PTPRN2: variants seen among roughly 807,000 people sequenced by gnomAD.
PTPRN2 encodes receptor-type tyrosine-protein phosphatase N2.
Under a neutral mutation model 118.8 loss-of-function variants are expected in PTPRN2, and 74 were observed. That is an observed-to-expected ratio of 0.62 (90% CI 0.52 to 0.76). The LOEUF is 0.76. PTPRN2 is among the 30% of genes least tolerant of loss of function. PTPRN2 has a pLI of 0.00. For missense variants in PTPRN2, 1,481 were observed against 1,394.4 expected (o/e 1.06, Z -0.99); for synonymous variants, 641 against 608.0 (o/e 1.05, Z -0.80).
At chr7:157,816,781 G>C (rs1806430429) in intron 12 of PTPRN2, among the ~76,000 whole-genome samples, 1 of 152,196 alleles carries the variant, frequency 6.6e-6, no homozygotes, top group Non-Finnish European at 1.5e-5. Flanking sequence ...GGCGTTGAGT[G>C]CTTTGCTGGG....
intron 1 of PTPRN2, among the ~76,000 whole-genome samples, chr7:158,514,005 G>A (rs1204644098): frequency 6.6e-6 from 1 of 152,122 alleles, no homozygotes; most frequent in Admixed American, 6.5e-5. Flanking sequence ...CTTTATCAAC[G>A]CACGATGACT....
chr7:158,032,174 T>C (rs1479826357), intron 11 of PTPRN2, among the ~76,000 whole-genome samples: 1 of 152,200 alleles, frequency 6.6e-6, no homozygotes, highest in Non-Finnish European at 1.5e-5. Context: ...CCAAATGGCA[T>C]TGCACTCACA....
At chr7:158,318,388 G>A (rs997385320) in intron 2 of PTPRN2, among the ~76,000 whole-genome samples, 19 of 152,326 alleles carry the variant, frequency 1.2e-4, no homozygotes, top group East Asian at 7.7e-4. Context: ...GCAGGAACTG[G>A]GCAGCACGTC....
chr7:157,952,797 A>T (rs1372298604), intron 11 of PTPRN2, among the ~76,000 whole-genome samples: 2 of 152,076 alleles, frequency 1.3e-5, no homozygotes, highest in Non-Finnish European at 2.9e-5. Flanking sequence ...TGATGCTCAA[A>T]CCCAGACCAC....
At chr7:158,341,181 C>T (rs1806687960) in intron 2 of PTPRN2, among the ~76,000 whole-genome samples, 1 of 150,534 alleles carries the variant, frequency 6.6e-6, no homozygotes, top group African/African-American at 2.4e-5. Flanking sequence ...CTCACACCCA[C>T]ACTCTCACCA....
intron 11 of PTPRN2, 41 bp downstream of exon 11, chr7:158,081,239 TGCGTGTGTGTGTGCACAC>T (rs1414229559): frequency 2.7e-5 from 39 of 1,457,518 alleles, no homozygotes; most frequent in East Asian, 4.5e-5. Context: ...CGTGTTTGCG[TGCGTGTGTGTGTGCACAC>T]ACGTGTGTGT....
chr7:157,559,663 C>A (rs1799080639), intron 21 of PTPRN2, among the ~76,000 whole-genome samples: 1 of 152,180 alleles, frequency 6.6e-6, no homozygotes, highest in Non-Finnish European at 1.5e-5. Context: ...CAGGCCGGGC[C>A]AGCCTGGACC....
At chr7:157,879,803 A>G (rs1286593130) in intron 12 of PTPRN2, among the ~76,000 whole-genome samples, 3 of 150,422 alleles carry the variant, frequency 2.0e-5, no homozygotes, top group South Asian at 4.2e-4. Context: ...ACTAATTTCC[A>G]TATCAAACCC....
intron 12 of PTPRN2, among the ~76,000 whole-genome samples, chr7:157,775,082 T>C (rs1174817638): frequency 6.6e-6 from 1 of 151,496 alleles, no homozygotes; most frequent in East Asian, 1.9e-4. Context: ...TGCCAGGGAG[T>C]CCCTCAGTCC....
rs540572966 is a variant in PTPRN2 at position 157,893,685 on chromosome 7, G to A, written c.1788+4988C>T. ...CAGATCTCCCAGGAGAGAAAAGGAG[G>A]ACACCTGTGGCCATACACACCTGTT... On this transcript the variant is annotated intron_variant, in intron 12 of 22. Coordinates refer to ENST00000389418, the MANE Select transcript of PTPRN2 (RefSeq NM_002847.5). This position sits in a 1 kb window ranked among gnomAD's most constrained non-coding sequence, Gnocchi z 4.0. Among the ~76,000 whole-genome samples, 7 of 152,280 alleles carry A rather than the reference G, an allele frequency of 4.6e-5. No homozygotes were observed. In the South Asian group the frequency reaches 1.5e-3, roughly 32 times the overall value.
intron 1 of PTPRN2, among the ~76,000 whole-genome samples, chr7:158,498,840 T>C (rs766421050): frequency 6.6e-6 from 1 of 152,202 alleles, no homozygotes; most frequent in South Asian, 2.1e-4. Flanking sequence ...TAAAATATAG[T>C]ATGACCCATG....
intron 12 of PTPRN2, among the ~76,000 whole-genome samples, chr7:157,707,838 C>G (rs1242614299): frequency 6.6e-6 from 1 of 152,236 alleles, no homozygotes; most frequent in Admixed American, 6.5e-5. Context: ...GATCCACTCG[C>G]CTTGGCCCCC....
intron 2 of PTPRN2, among the ~76,000 whole-genome samples, chr7:158,373,688 G>A (rs1008475775): frequency 6.6e-6 from 1 of 152,216 alleles, no homozygotes; most frequent in African/African-American, 2.4e-5. Flanking sequence ...ACACTGCAGT[G>A]CGGCCAGTTC....
chr7:157,836,653 G>A (rs1807951714), intron 12 of PTPRN2, among the ~76,000 whole-genome samples: 2 of 151,448 alleles, frequency 1.3e-5, no homozygotes, highest in African/African-American at 4.9e-5. Flanking sequence ...ATATCAAATA[G>A]TAAGCATTTT....
At chr7:158,233,794 T>C (rs1290570733) in intron 3 of PTPRN2, among the ~76,000 whole-genome samples, 1 of 152,114 alleles carries the variant, frequency 6.6e-6, no homozygotes, top group East Asian at 1.9e-4. Context: ...TGGAACAGAA[T>C]AGAGAATCCA....
intron 6 of PTPRN2, among the ~76,000 whole-genome samples, chr7:158,149,983 C>T (rs1340807122): frequency 6.6e-6 from 1 of 152,128 alleles, no homozygotes; most frequent in Non-Finnish European, 1.5e-5. Context: ...CAATTCTTTG[C>T]TGTTTGTTAA....
chr7:158,312,446 ACT>A (rs1801902183), intron 3 of PTPRN2, among the ~76,000 whole-genome samples: 1 of 148,706 alleles, frequency 6.7e-6, no homozygotes, highest in Non-Finnish European at 1.5e-5. Flanking sequence ...ACCCCTGCGC[ACT>A]CATTCACATG....
chr7:158,071,526 ATGCTCGTGATGATGGAGG>A (rs1811659449), intron 11 of PTPRN2, among the ~76,000 whole-genome samples: 2 of 63,380 alleles, frequency 3.2e-5, no homozygotes, highest in African/African-American at 7.0e-5. Context: ...GGTGGTGGAG[ATGCTCGTGATGATGGAGG>A]TGCTCCTGGT....
intron 1 of PTPRN2, among the ~76,000 whole-genome samples, chr7:158,538,305 G>A (rs1403133691): frequency 2.0e-5 from 3 of 152,190 alleles, no homozygotes; most frequent in East Asian, 1.9e-4. Context: ...GGTGACTGGC[G>A]CACGCTGCGC....
Sources: gnomAD v4.1 joint callset for allele counts (sites outside exome capture counted in the v4.1 genomes callset) on GRCh38, gnomAD v4.1.1 for gene constraint, Gnocchi (gnomAD v3.1) non-coding constraint, MANE v1.5 for transcripts, NCBI Gene and HGNC (gene_info 2026-07-23, HGNC 2026-07-21) for gene names.